Variants in VPS54 observed in about 807,000 individuals in gnomAD.
VPS54 encodes the protein vacuolar protein sorting-associated protein 54.
A neutral mutation model predicts 121.5 loss-of-function variants in VPS54; 45 were observed. That is an observed-to-expected ratio of 0.37 (90% CI 0.29 to 0.47). The LOEUF (loss-of-function observed/expected upper bound fraction) is 0.47, where lower values mean the gene tolerates loss of function less well. Ranked by LOEUF, VPS54 falls within the 20% of genes least tolerant of loss-of-function variation. The probability of loss-of-function intolerance (pLI) is 0.99; values close to 1 mark genes in which losing one functional copy is unlikely to be tolerated. For missense variants in VPS54, 1,090 were observed against 1,131.4 expected (o/e 0.96, Z 0.52); for synonymous variants, 371 against 385.8 (o/e 0.96, Z 0.45).
intron 1 of VPS54, among the ~76,000 whole-genome samples, chr2:64,005,399 A>G (rs937137926): frequency 2.6e-5 from 4 of 152,060 alleles, no homozygotes; most frequent in African/African-American, 7.2e-5. Context: ...CACCGCGCCC[A>G]GCCTACTATT....
At position 64,009,826 on chromosome 2, in the gene VPS54, C is replaced by A. The variant is rs796256597; in HGVS notation, c.-21+9112G>T. 4.1e-5 allele frequency among the ~76,000 whole-genome samples: 6 copies of A among 147,892 alleles called. 1 individual carries two copies. The highest frequency in any genetic ancestry group is 1.5e-4 in the African/African-American group (6 of 39,926). ...GAGGCCATTTCAACAACAACAACTTCTGAATTCCATATAATTGACCCTTTT... is the reference window on the plus strand; with the variant it reads ...GAGGCCATTTCAACAACAACAACTTATGAATTCCATATAATTGACCCTTTT... On this transcript the variant is annotated intron_variant, in intron 1 of 22. Transcript: ENST00000272322.
intron 1 of VPS54, among the ~76,000 whole-genome samples, chr2:64,017,102 G>A (rs1280622106): frequency 6.6e-6 from 1 of 150,958 alleles, no homozygotes; most frequent in African/African-American, 2.4e-5. Context: ...AGCACTCTGG[G>A]AGGCCGAGGC....
rs557407324 is a variant in VPS54 at position 63,994,987 on chromosome 2, C to T, written c.-20-10968G>A. Among the ~76,000 whole-genome samples the T allele has an allele frequency of 2.0e-5, 3 of 152,278 alleles. No homozygotes were observed. In the East Asian group the frequency reaches 5.8e-4, roughly 29 times the overall value. On this transcript the variant is annotated intron_variant, in intron 1 of 22. Coordinates refer to ENST00000272322, the MANE Select transcript of VPS54 (RefSeq NM_016516.3). Reference sequence around the variant, plus strand: ...TCTACTTTGCATAGGAGGTTCAGCTCATTCTTTTCCTTAAAATGGGAAGAT... The same window carrying T: ...TCTACTTTGCATAGGAGGTTCAGCTTATTCTTTTCCTTAAAATGGGAAGAT...
At chr2:63,999,871 T>C (rs754330352) in intron 1 of VPS54, among the ~76,000 whole-genome samples, 14 of 152,006 alleles carry the variant, frequency 9.2e-5, no homozygotes, top group Non-Finnish European at 1.9e-4. Flanking sequence ...ACTGCCGTTT[T>C]TTGTTTTGAG....
chr2:63,928,682 G>C (rs998675698), intron 12 of VPS54, among the ~76,000 whole-genome samples: 1 of 151,938 alleles, frequency 6.6e-6, no homozygotes, highest in African/African-American at 2.4e-5. Context: ...ATGTAAATGG[G>C]CTAAATGCCC....
At chr2:63,996,113 A>T (rs1677574906) in intron 1 of VPS54, among the ~76,000 whole-genome samples, 1 of 152,218 alleles carries the variant, frequency 6.6e-6, no homozygotes, top group Non-Finnish European at 1.5e-5. Context: ...GCACATTTAT[A>T]TAAAAAGAAA....
intron 3 of VPS54, among the ~76,000 whole-genome samples, chr2:63,976,825 C>CTT (rs1174931536): frequency 0.081 from 7,264 of 89,568 alleles, 675 homozygotes; most frequent in African/African-American, 0.15. Flanking sequence ...TATATCTTCT[C>CTT]TTTTTTTTTT....
intron 6 of VPS54, among the ~76,000 whole-genome samples, chr2:63,962,906 T>C (rs1326142116): frequency 6.6e-6 from 1 of 152,162 alleles, no homozygotes; most frequent in Non-Finnish European, 1.5e-5. Flanking sequence ...TATACACATC[T>C]AATTTTTCTA....
intron 2 of VPS54, 40 bp from the exon 3 acceptor site, chr2:63,981,927 A>T: frequency 1.3e-6 from 2 of 1,573,100 alleles, no homozygotes; most frequent in Non-Finnish European, 1.7e-6. Context: ...AATGCTGTAA[A>T]ATTGGTTCTA....
At chr2:63,921,421 A>G in intron 12 of VPS54, 86 bp from the exon 13 acceptor site, 1 of 1,436,672 alleles carries the variant, frequency 7.0e-7, no homozygotes, top group South Asian at 1.5e-5. Flanking sequence ...AAGGATGAAA[A>G]AGCTGTAAAA....
intron 1 of VPS54, among the ~76,000 whole-genome samples, chr2:63,994,416 C>T (rs900283667): frequency 6.6e-6 from 1 of 152,110 alleles, no homozygotes; most frequent in Non-Finnish European, 1.5e-5. Flanking sequence ...TCCACTTATT[C>T]GACCACTCAC....
chr2:63,976,770 G>A (rs921659193), intron 3 of VPS54, among the ~76,000 whole-genome samples: 4 of 151,132 alleles, frequency 2.6e-5, no homozygotes, highest in Non-Finnish European at 4.4e-5. Context: ...AATGTCTGCA[G>A]GATCAGTAGA....
intron 8 of VPS54, 143 bp downstream of exon 8, chr2:63,948,894 C>T (rs2104526959): frequency 1.1e-6 from 1 of 881,824 alleles, no homozygotes; most frequent in East Asian, 2.8e-5. Flanking sequence ...TTGCTCAAGT[C>T]ACATAGCTAG....
In VPS54 at chr2:64,019,167, G is replaced by C. The variant is rs1158309753; in HGVS notation, c.-250C>G. ...CTCAGGGGTGAGAGGTGGCAGCGGC[G>C]GCTCCCTCACGTCTCTCCCGGGTGT... On this transcript the variant is annotated 5_prime_UTR_variant, in exon 1 of 23. Coordinates refer to ENST00000272322, the MANE Select transcript of VPS54 (RefSeq NM_016516.3). 6.6e-6 allele frequency: 1 copy of C among 150,964 alleles called. No homozygotes were observed. The highest frequency in any genetic ancestry group is 1.5e-5 in the Non-Finnish European group (1 of 67,612). 9.4% of individuals were successfully genotyped at this position (150,964 alleles called of 1,614,324 possible).
intron 20 of VPS54, among the ~76,000 whole-genome samples, chr2:63,911,255 A>C (rs1342944541): frequency 6.6e-6 from 1 of 152,186 alleles, no homozygotes; most frequent in African/African-American, 2.4e-5. Context: ...TCTAAACAGT[A>C]ATTTTTCTCC....
At chr2:63,933,528 A>T in intron 12 of VPS54, 145 bp downstream of exon 12, 1 of 695,706 alleles carries the variant, frequency 1.4e-6, no homozygotes, top group Non-Finnish European at 2.3e-6. Context: ...ACATTTTTAT[A>T]GAGATACGTT....
intron 1 of VPS54, among the ~76,000 whole-genome samples, chr2:64,018,094 A>C (rs1016198732): frequency 4.6e-5 from 7 of 152,224 alleles, no homozygotes; most frequent in African/African-American, 1.4e-4. Context: ...ACTACAAGTA[A>C]TTTATCACGG....
At chr2:63,906,650 T>C (rs1348164671) in intron 20 of VPS54, among the ~76,000 whole-genome samples, 1 of 152,210 alleles carries the variant, frequency 6.6e-6, no homozygotes, top group Non-Finnish European at 1.5e-5. Context: ...ACCAGTGTGC[T>C]GTTACTGAAT....
intron 8 of VPS54, 99 bp downstream of exon 8, chr2:63,948,938 T>C (rs1675114182): frequency 6.2e-6 from 9 of 1,462,424 alleles, no homozygotes; most frequent in Non-Finnish European, 8.2e-6. Context: ...GCCCTTGAAA[T>C]TTAAGATAAT....
Sources: gnomAD v4.1 joint callset for allele counts (sites outside exome capture counted in the v4.1 genomes callset) on GRCh38, gnomAD v4.1.1 for gene constraint, MANE v1.5 for transcripts, NCBI Gene and HGNC (gene_info 2026-07-23, HGNC 2026-07-21) for gene names.